Variants in SATB2 observed in about 807,000 individuals in gnomAD.
SATB2 encodes DNA-binding protein SATB2.
Under a neutral mutation model 73.4 loss-of-function variants are expected in SATB2, and 1 was observed. The ratio of observed to expected loss-of-function variants is 0.01; its 90% CI spans 0.00 to 0.06. The LOEUF is 0.06. Ranked by LOEUF, SATB2 falls within the 10% of genes least tolerant of loss-of-function variation. The pLI, the probability that SATB2 is intolerant of heterozygous loss-of-function variation, is 1.00. For missense variants in SATB2, 459 were observed against 945.8 expected (o/e 0.49, Z 6.75); for synonymous variants, 397 against 367.0 (o/e 1.08, Z -0.93).
chr2:199,289,877 G>A (rs7592464), intron 10 of SATB2, among the ~76,000 whole-genome samples: 116,483 of 152,028 alleles, frequency 0.77, 47,171 homozygotes, highest in Non-Finnish European at 0.89. Flanking sequence ...CCTTCTCCAG[G>A]TGTACTCCCA....
intron 6 of SATB2, among the ~76,000 whole-genome samples, chr2:199,356,418 G>A (rs1177652964): frequency 6.6e-6 from 1 of 151,910 alleles, no homozygotes; most frequent in Non-Finnish European, 1.5e-5. Flanking sequence ...AAACATTAGA[G>A]CACAGAAAAA....
At chr2:199,438,618 T>C (rs373897704) in intron 2 of SATB2, among the ~76,000 whole-genome samples, 1 of 152,222 alleles carries the variant, frequency 6.6e-6, no homozygotes, top group Non-Finnish European at 1.5e-5. Context: ...GGAATGCGTA[T>C]TCTGGAAGGC....
Position 199,272,531 on chromosome 2 carries a change from T to A in SATB2, c.1882A>T (p.Ile628Phe). 1 of 1,614,096 alleles carries A rather than the reference T, an allele frequency of 6.2e-7. No individual in the cohort carries two copies. The highest frequency in any genetic ancestry group is 8.5e-7 in the Non-Finnish European group (1 of 1,180,000). Residue 628 changes from isoleucine to phenylalanine, a missense_variant, in exon 11 of 11, where the codon ATC (isoleucine) becomes TTC (phenylalanine). Coordinates refer to ENST00000417098, the MANE Select transcript of SATB2 (RefSeq NM_001172509.2). This position sits in a 1 kb window ranked among gnomAD's most constrained non-coding sequence, Gnocchi z 6.7. ...RTKISLEALG[I>F]LQSFIHDVGL... ...ACATCATGAATAAAGCTTTGGAGGA[T>A]CCCCAGGGCTTCTAAGGAGATCTTT...
chr2:199,311,068 T>C (rs756038817), intron 9 of SATB2, among the ~76,000 whole-genome samples: 5 of 152,220 alleles, frequency 3.3e-5, no homozygotes, highest in Non-Finnish European at 7.3e-5. Flanking sequence ...CCCACTGACA[T>C]GCAAGGTCTT....
At chr2:199,295,151 T>C (rs1371353169) in intron 10 of SATB2, among the ~76,000 whole-genome samples, 5 of 152,192 alleles carry the variant, frequency 3.3e-5, no homozygotes, top group Admixed American at 6.5e-5. Flanking sequence ...GAAATAAATT[T>C]AAACTAAAGA....
chr2:199,358,852 CT>C (rs1689060728), intron 6 of SATB2, among the ~76,000 whole-genome samples: 1 of 152,132 alleles, frequency 6.6e-6, no homozygotes, highest in African/African-American at 2.4e-5. Context: ...CATTATCTAC[CT>C]TTCTTAGTCT....
Position 199,271,453 on chromosome 2 carries a change from CTGAT to C in SATB2, c.*754_*757del, listed in dbSNP as rs2105704729. 1.3e-5 allele frequency: 2 copies of C among 149,126 alleles called. No homozygotes were observed. The highest frequency in any genetic ancestry group is 4.2e-4 in the South Asian group (2 of 4,734). The allele number at this position is 149,126 out of a possible 1,614,324, so 9.2% of individuals were successfully genotyped here. A position where few individuals can be genotyped will look rare whatever the true frequency, so the allele number is the denominator to read the frequency against. On this transcript the variant is annotated 3_prime_UTR_variant, in exon 11 of 11. Transcript: ENST00000417098. ...TTGACTTGTATCATTTTAATGTGCC[CTGAT>C]TGTTTTCACTTCACTTTTTTTTTTT...
At position 199,425,278 on chromosome 2, in the gene SATB2, C is replaced by A. The variant is rs182236746; in HGVS notation, c.346+8060G>T. Among the ~76,000 whole-genome samples the A allele has an allele frequency of 8.6e-3, 1,315 of 152,300 alleles. 6 individuals are homozygous for A. The highest frequency in any genetic ancestry group is 0.013 in the Non-Finnish European group (855 of 68,010). On this transcript the variant is annotated intron_variant, in intron 3 of 10. Coordinates refer to ENST00000417098, the MANE Select transcript of SATB2 (RefSeq NM_001172509.2). ...ATTTTACGTGAATGTCTCAGATGAC[C>A]AGTCCCTTCCAGGTCATGGGCATTA... is the stretch of plus-strand genomic sequence containing the variant.
At chr2:199,302,853 A>G (rs1027020057) in intron 10 of SATB2, among the ~76,000 whole-genome samples, 12 of 152,190 alleles carry the variant, frequency 7.9e-5, no homozygotes, top group African/African-American at 2.9e-4. Context: ...AGTGCACTTG[A>G]ACATTAGCGA....
At chr2:199,439,855 G>A (rs1691759214) in intron 2 of SATB2, among the ~76,000 whole-genome samples, 1 of 152,106 alleles carries the variant, frequency 6.6e-6, no homozygotes, top group South Asian at 2.1e-4. Context: ...TGTAATCTCA[G>A]CAATTTGGGA....
chr2:199,298,498 T>C (rs1559148850), intron 10 of SATB2, among the ~76,000 whole-genome samples: 1 of 152,238 alleles, frequency 6.6e-6, no homozygotes, highest in Non-Finnish European at 1.5e-5. Flanking sequence ...TTGGACGTTT[T>C]ACATTGTACT....
intron 3 of SATB2, among the ~76,000 whole-genome samples, chr2:199,420,272 C>T (rs1319273968): frequency 1.3e-5 from 2 of 152,222 alleles, no homozygotes; most frequent in Non-Finnish European, 2.9e-5. Flanking sequence ...ACACTTAGAA[C>T]AGTGCCTCAC....
intron 10 of SATB2, among the ~76,000 whole-genome samples, chr2:199,292,552 T>C (rs1478948775): frequency 6.6e-6 from 1 of 152,182 alleles, no homozygotes; most frequent in Non-Finnish European, 1.5e-5. Context: ...TAAATGCTTA[T>C]TCAGATGAGT....
rs1692150135 is a variant in SATB2 at position 199,452,406 on chromosome 2, T to C, written c.169+3463A>G. ...TCTGGAAACTTGATTGGCATCACTT[T>C]CATTTTATGCTGTAAGTTGCATGGC... On this transcript the variant is annotated intron_variant, in intron 2 of 10. Coordinates refer to ENST00000417098, the MANE Select transcript of SATB2 (RefSeq NM_001172509.2). 2.6e-5 allele frequency among the ~76,000 whole-genome samples: 4 copies of C among 152,166 alleles called. No individual in the cohort carries two copies. The South Asian group carries it at 8.3e-4, about 31-fold the overall frequency.
At chr2:199,407,288 CAAAAAAAAAA>C (rs34954916) in intron 3 of SATB2, among the ~76,000 whole-genome samples, 2 of 77,536 alleles carry the variant, frequency 2.6e-5, no homozygotes, top group Non-Finnish European at 2.7e-5. Flanking sequence ...TCTTGTCTCC[CAAAAAAAAAA>C]AAAAAAAAAA....
chr2:199,304,877 C>T (rs1280062111), intron 10 of SATB2, among the ~76,000 whole-genome samples: 1 of 152,168 alleles, frequency 6.6e-6, no homozygotes, highest in Admixed American at 6.5e-5. Context: ...TCTCCCAGGG[C>T]TGGTGAGTCT....
chr2:199,390,899 T>C (rs1690111549), intron 3 of SATB2, among the ~76,000 whole-genome samples: 1 of 152,236 alleles, frequency 6.6e-6, no homozygotes. Context: ...AGTTTACGGT[T>C]ACATAATACC....
chr2:199,385,951 G>T (rs559843256), intron 3 of SATB2, among the ~76,000 whole-genome samples: 3 of 152,196 alleles, frequency 2.0e-5, no homozygotes, highest in East Asian at 3.9e-4. Flanking sequence ...ACCCTTTAGG[G>T]TTATCATGAG....
At chr2:199,338,203 A>C (rs1047740542) in intron 7 of SATB2, among the ~76,000 whole-genome samples, 1 of 151,986 alleles carries the variant, frequency 6.6e-6, no homozygotes, top group Non-Finnish European at 1.5e-5. Context: ...GTCTCTATTA[A>C]AAATACAAAA....
Sources: gnomAD v4.1 joint callset for allele counts (sites outside exome capture counted in the v4.1 genomes callset) on GRCh38, gnomAD v4.1.1 for gene constraint, Gnocchi (gnomAD v3.1) non-coding constraint, MANE v1.5 for transcripts, NCBI Gene and HGNC (gene_info 2026-07-23, HGNC 2026-07-21) for gene names.